TBC1D4: variants seen among roughly 807,000 people sequenced by gnomAD.
TBC1D4 encodes TBC1 domain family member 4, also known as TBC (Tre-2, BUB2, CDC16) domain-containing protein.
In TBC1D4, 121 loss-of-function variants were observed where a neutral mutation model predicts 142.5. The observed-to-expected ratio is 0.85, with a 90% CI of 0.73 to 0.99. The LOEUF is 0.99. TBC1D4 is among the 50% of genes least tolerant of loss of function. The pLI is 0.00. For missense variants in TBC1D4, 1,475 were observed against 1,606.6 expected (o/e 0.92, Z 1.40); for synonymous variants, 630 against 628.2 (o/e 1.00, Z -0.04).
chr13:75,368,947 GGCA>G (rs1883075536), intron 1 of TBC1D4, among the ~76,000 whole-genome samples: 1 of 152,148 alleles, frequency 6.6e-6, no homozygotes, highest in South Asian at 2.1e-4. Flanking sequence ...CTGAGGCTGA[GGCA>G]GGAGAACCGC....
chr13:75,426,253 T>C (rs958663737), intron 1 of TBC1D4, among the ~76,000 whole-genome samples: 11 of 152,114 alleles, frequency 7.2e-5, no homozygotes, highest in Non-Finnish European at 1.5e-4. Context: ...TCACTCCTCT[T>C]AGGAAGCCTA....
chr13:75,422,017 C>A (rs921693474), intron 1 of TBC1D4, among the ~76,000 whole-genome samples: 1 of 152,212 alleles, frequency 6.6e-6, no homozygotes, highest in African/African-American at 2.4e-5. Flanking sequence ...TGGTCTCTAA[C>A]TCCTGGGATC....
chr13:75,397,773 T>C (rs1566459123), intron 1 of TBC1D4, among the ~76,000 whole-genome samples: 1 of 152,204 alleles, frequency 6.6e-6, no homozygotes, highest in Admixed American at 6.5e-5. Context: ...CAGAAAAACC[T>C]AGGAATTACC....
At chr13:75,369,890 T>C (rs538557283) in intron 1 of TBC1D4, among the ~76,000 whole-genome samples, 83 of 152,200 alleles carry the variant, frequency 5.5e-4, no homozygotes, top group African/African-American at 1.9e-3. Flanking sequence ...GAAATTTAAA[T>C]TGAGGTGGCG....
Position 75,336,943 on chromosome 13 carries a change from G to A in TBC1D4, c.1709C>T (p.Ser570Phe), listed in dbSNP as rs753006810. 1 of 1,613,662 alleles carries A rather than the reference G, an allele frequency of 6.2e-7. No individual in the cohort carries two copies. The highest frequency in any genetic ancestry group is 8.5e-7 in the Non-Finnish European group (1 of 1,179,816). ...TACCCTTGAGAAGATATTTTCCAGG[G>A]AGCTAGTTAAGGATCTCTTAGCTTT... ...KNKAKRSLTS[S>F]LENIFSRGAN... The change falls in exon 8 of 21, where the codon TCC (serine) becomes TTC (phenylalanine). Residue 570 changes from serine to phenylalanine, a missense_variant. Transcript: ENST00000377636.
At chr13:75,352,842 G>C (rs1007462615) in intron 4 of TBC1D4, among the ~76,000 whole-genome samples, 1 of 152,212 alleles carries the variant, frequency 6.6e-6, no homozygotes, top group Non-Finnish European at 1.5e-5. Context: ...GCAATACATT[G>C]TGTTACACAA....
At chr13:75,455,989 C>CA (rs1887719644) in intron 1 of TBC1D4, among the ~76,000 whole-genome samples, 1 of 151,930 alleles carries the variant, frequency 6.6e-6, no homozygotes, top group Non-Finnish European at 1.5e-5. Flanking sequence ...TAATCTGCTA[C>CA]TCATATAGGC....
chr13:75,302,956 T>C (rs951296575), intron 15 of TBC1D4: 2 of 163,272 alleles, frequency 1.2e-5, no homozygotes, highest in African/African-American at 4.8e-5. Context: ...TTTACAACTC[T>C]AAATATTTGT....
chr13:75,394,403 G>A (rs1884666738), intron 1 of TBC1D4, among the ~76,000 whole-genome samples: 1 of 152,094 alleles, frequency 6.6e-6, no homozygotes, highest in Non-Finnish European at 1.5e-5. Context: ...AAAAGGAAAC[G>A]ACATTATTAA....
intron 19 of TBC1D4, among the ~76,000 whole-genome samples, chr13:75,291,505 A>G (rs1229938845): frequency 6.6e-6 from 1 of 152,170 alleles, no homozygotes; most frequent in East Asian, 1.9e-4. Context: ...TGGTTCCTTC[A>G]TTTGAATCAT....
At chr13:75,336,278 T>A (rs1880190809) in intron 8 of TBC1D4, among the ~76,000 whole-genome samples, 1 of 151,928 alleles carries the variant, frequency 6.6e-6, no homozygotes, top group Non-Finnish European at 1.5e-5. Flanking sequence ...GCACCTGTAG[T>A]CCCAGCTACT....
rs77644533 is a variant in TBC1D4, at chr13:75,291,368, T to C, written c.3486+734A>G. Among the ~76,000 whole-genome samples, 365 of 152,318 alleles carry C rather than the reference T, an allele frequency of 2.4e-3. 2 individuals are homozygous for C. Among genetic ancestry groups the C allele is most frequent in the African/African-American group, 8.4e-3 (349 of 41,586 alleles). On this transcript the variant is annotated intron_variant, in intron 19 of 20. Transcript: ENST00000377636. ...CGGTTCCAGCTCTCCCTGGGCCTAG[T>C]AACACTATTATATCCTCCACTTAGC...
intron 1 of TBC1D4, among the ~76,000 whole-genome samples, chr13:75,478,296 T>C (rs1888700273): frequency 6.6e-6 from 1 of 152,208 alleles, no homozygotes; most frequent in South Asian, 2.1e-4. Flanking sequence ...TTACTCACAG[T>C]GCTTGTATAA....
intron 19 of TBC1D4, among the ~76,000 whole-genome samples, chr13:75,290,550 T>C (rs1875187734): frequency 6.6e-6 from 1 of 152,142 alleles, no homozygotes; most frequent in Non-Finnish European, 1.5e-5. Context: ...AGAAAGATAT[T>C]TCTGAAAAAT....
intron 1 of TBC1D4, among the ~76,000 whole-genome samples, chr13:75,478,501 G>C (rs909837780): frequency 1.3e-5 from 2 of 152,190 alleles, no homozygotes; most frequent in African/African-American, 4.8e-5. Context: ...GTCGAGGACT[G>C]AGGGAAACAC....
chr13:75,402,876 C>G (rs1885167687), intron 1 of TBC1D4, among the ~76,000 whole-genome samples: 1 of 152,090 alleles, frequency 6.6e-6, no homozygotes, highest in Non-Finnish European at 1.5e-5. Flanking sequence ...AAAAATAGAG[C>G]TCACAAGGAG....
chr13:75,412,767 A>AT (rs1259039792), intron 1 of TBC1D4, among the ~76,000 whole-genome samples: 1 of 152,236 alleles, frequency 6.6e-6, no homozygotes, highest in East Asian at 1.9e-4. Context: ...TTAACATATA[A>AT]TGGAAGTTTC....
intron 1 of TBC1D4, among the ~76,000 whole-genome samples, chr13:75,415,088 C>T (rs1043507572): frequency 9.5e-5 from 14 of 148,030 alleles, no homozygotes; most frequent in Non-Finnish European, 1.8e-4. Context: ...CATGCCACTG[C>T]GCTCCAGCCT....
At chr13:75,416,631 C>G (rs1211130037) in intron 1 of TBC1D4, among the ~76,000 whole-genome samples, 1 of 152,200 alleles carries the variant, frequency 6.6e-6, no homozygotes, top group African/African-American at 2.4e-5. Flanking sequence ...CCCTGGAAAC[C>G]TATTTGATCA....
Sources: gnomAD v4.1 joint callset for allele counts (sites outside exome capture counted in the v4.1 genomes callset) on GRCh38, gnomAD v4.1.1 for gene constraint, MANE v1.5 for transcripts, NCBI Gene and HGNC (gene_info 2026-07-23, HGNC 2026-07-21) for gene names.